Variants in GLIS1 observed in about 807,000 individuals in gnomAD.
GLIS1 encodes the protein GLIS family zinc finger 1, also known as zinc finger protein GLIS1.
Under a neutral mutation model 63.8 loss-of-function variants are expected in GLIS1, and 24 were observed. The ratio of observed to expected loss-of-function variants is 0.38; its 90% CI spans 0.27 to 0.53. GLIS1 has a LOEUF of 0.53. Ranked by LOEUF, GLIS1 falls within the 20% of genes least tolerant of loss-of-function variation. The pLI, the probability that GLIS1 is intolerant of heterozygous loss-of-function variation, is 0.85. For synonymous variants in GLIS1, 450 were observed against 482.5 expected, an observed-to-expected ratio of 0.93 and a Z score of 0.88; for missense variants, 1,036 against 1,074.1, an observed-to-expected ratio of 0.96 and a Z score of 0.50.
rs972435541 is a variant in GLIS1 at position 53,605,181 on chromosome 1, C to T, written c.260-4903G>A. On this transcript the variant is annotated intron_variant, in intron 2 of 10. Transcript: ENST00000628545. The stretch of plus-strand genomic sequence containing the variant: ...TGTGAAATCACTGTCAAATACTGAA[C>T]GCAGGCCTGGCTCCTGGTGGGCATT... 3.9e-5 allele frequency among the ~76,000 whole-genome samples: 6 copies of T among 152,042 alleles called. No homozygotes were observed. In the East Asian group the frequency reaches 7.7e-4, roughly 20 times the overall value.
chr1:53,659,589 C>A (rs991978104), intron 2 of GLIS1, among the ~76,000 whole-genome samples: 2 of 152,186 alleles, frequency 1.3e-5, no homozygotes, highest in Non-Finnish European at 2.9e-5. Flanking sequence ...TCCACACAGG[C>A]CCTCCTCAGC....
chr1:53,529,476 C>T (rs1644506688), intron 5 of GLIS1, among the ~76,000 whole-genome samples: 1 of 152,184 alleles, frequency 6.6e-6, no homozygotes, highest in Non-Finnish European at 1.5e-5. Context: ...CAGGCTGGTA[C>T]CCACAGGCCA....
At chr1:53,527,148 C>G (rs1259453607) in intron 5 of GLIS1, among the ~76,000 whole-genome samples, 1 of 152,266 alleles carries the variant, frequency 6.6e-6, no homozygotes, top group African/African-American at 2.4e-5. Flanking sequence ...CAAGATCCCA[C>G]AGCGGGGAGA....
rs540264758 is a variant in GLIS1, at chr1:53,620,578, A to C, written c.260-20300T>G. ...TTCGTTTCGGCTCCACGCACCGTAA[A>C]CATTCTGTGGCAGACGCAGCTCCAG... On this transcript the variant is annotated intron_variant, in intron 2 of 10. Transcript: ENST00000628545. Among the ~76,000 whole-genome samples the C allele has an allele frequency of 2.9e-3, 444 of 152,354 alleles. 1 individual carries two copies. The highest frequency in any genetic ancestry group is 0.01 in the African/African-American group (427 of 41,588).
Position 53,506,401 on chromosome 1 carries a change from C to T in GLIS1, c.*218G>A. ...AGATCGAGGGAATGTTACAGGGCCA[C>T]AGATCCTGGCGGGCACCTCTGTGCG... On this transcript the variant is annotated 3_prime_UTR_variant, in exon 11 of 11. Coordinates refer to ENST00000628545, the MANE Select transcript of GLIS1 (RefSeq NM_001367484.1). 2 of 555,836 alleles carry T rather than the reference C, an allele frequency of 3.6e-6. No homozygotes were observed. The allele number at this position is 555,836 out of a possible 1,614,324, so 34.4% of individuals were successfully genotyped here.
chr1:53,627,453 G>A (rs775766511), intron 2 of GLIS1, among the ~76,000 whole-genome samples: 6 of 152,032 alleles, frequency 3.9e-5, no homozygotes, highest in East Asian at 1.9e-4. Context: ...CTCCAGCTCC[G>A]ATTTTTTTCC....
At chr1:53,586,970 TACAC>T (rs1318872744) in intron 4 of GLIS1, among the ~76,000 whole-genome samples, 1 of 133,566 alleles carries the variant, frequency 7.5e-6, no homozygotes, top group Non-Finnish European at 1.7e-5. Flanking sequence ...GAACCACTGT[TACAC>T]ACAGCGCAAC....
At chr1:53,690,827 G>A (rs1646396197) in intron 2 of GLIS1, among the ~76,000 whole-genome samples, 1 of 152,156 alleles carries the variant, frequency 6.6e-6, no homozygotes, top group Non-Finnish European at 1.5e-5. Flanking sequence ...GCTGGAGCAG[G>A]AATAATAAAA....
chr1:53,643,457 C>T (rs1222590579), intron 2 of GLIS1, among the ~76,000 whole-genome samples: 1 of 152,182 alleles, frequency 6.6e-6, no homozygotes, highest in African/African-American at 2.4e-5. Flanking sequence ...CTAGTTCAGA[C>T]TCCATCATGC....
rs1475436972 is a variant in GLIS1, at chr1:53,646,211, G to A, written c.260-45933C>T. 6.6e-6 allele frequency among the ~76,000 whole-genome samples: 1 copy of A among 152,104 alleles called. No homozygotes were observed. On this transcript the variant is annotated intron_variant, in intron 2 of 10. Coordinates refer to ENST00000628545, the MANE Select transcript of GLIS1 (RefSeq NM_001367484.1). The surrounding 1 kb of genome is among the most constrained non-coding windows in gnomAD (Gnocchi z 4.2). Reference sequence around the variant, plus strand: ...TAAAGCAAGAGAATGACAAACATAAGATTACCTCTAGTGGGTAAGCAGGGA... The same window carrying A: ...TAAAGCAAGAGAATGACAAACATAAAATTACCTCTAGTGGGTAAGCAGGGA...
At chr1:53,550,845 T>G (rs1214068961) in intron 4 of GLIS1, among the ~76,000 whole-genome samples, 1 of 152,058 alleles carries the variant, frequency 6.6e-6, no homozygotes, top group Non-Finnish European at 1.5e-5. Flanking sequence ...CCAGCAATTT[T>G]TATTTTTATT....
chr1:53,538,634 G>A (rs12120620), intron 4 of GLIS1, among the ~76,000 whole-genome samples: 3,229 of 152,234 alleles, frequency 0.021, 60 homozygotes, highest in Non-Finnish European at 0.032. Context: ...GGAGGGCTGG[G>A]GGCACACAGT....
chr1:53,602,235 G>C (rs1409451160), intron 2 of GLIS1, among the ~76,000 whole-genome samples: 1 of 152,064 alleles, frequency 6.6e-6, no homozygotes, highest in East Asian at 1.9e-4. Flanking sequence ...TGAATGGCCC[G>C]AGTTAATGAG....
chr1:53,726,859 A>G (rs1266921025), intron 2 of GLIS1, among the ~76,000 whole-genome samples: 1 of 152,256 alleles, frequency 6.6e-6, no homozygotes, highest in East Asian at 1.9e-4. Context: ...ATCTGGGAAT[A>G]AAGTACTACA....
chr1:53,732,452 G>A (rs1429762378), intron 2 of GLIS1, among the ~76,000 whole-genome samples: 5 of 149,966 alleles, frequency 3.3e-5, no homozygotes, highest in Admixed American at 3.3e-4. Context: ...CCTGGACTTT[G>A]CTTCCAATGC....
At position 53,594,522 on chromosome 1, in the gene GLIS1, C is replaced by A. The variant is rs547586939; in HGVS notation, c.906G>T (p.Thr302=). Residue 302 remains threonine, a synonymous_variant, in exon 4 of 11, where the codon ACG becomes ACT. Transcript: ENST00000628545. ...GTTGCAAGCTGCCCTCATGGCTGTC[C>A]GTCGATGCAGGGCCAGGCCGGGCCC... is the stretch of plus-strand genomic sequence containing the variant. ...SKRARPGPAS[T]DSHEGSLQLE... is the part of the protein sequence containing the mutation. 4 of 1,611,952 alleles carry A rather than the reference C, an allele frequency of 2.5e-6. No individual in the cohort carries two copies. In the African/African-American group the frequency reaches 5.3e-5, roughly 21 times the overall value.
At chr1:53,691,335 A>G (rs1237685612) in intron 2 of GLIS1, among the ~76,000 whole-genome samples, 2 of 152,104 alleles carry the variant, frequency 1.3e-5, no homozygotes, top group Non-Finnish European at 2.9e-5. Context: ...AGCCCTGCTC[A>G]TCTCATCATC....
At chr1:53,583,925 C>T (rs1645109565) in intron 4 of GLIS1, among the ~76,000 whole-genome samples, 1 of 152,202 alleles carries the variant, frequency 6.6e-6, no homozygotes, top group Non-Finnish European at 1.5e-5. Context: ...AGGCAGTTTC[C>T]GAAGGAGGAC....
intron 3 of GLIS1, among the ~76,000 whole-genome samples, chr1:53,596,141 CA>C (rs1367366515): frequency 1.2e-4 from 18 of 152,248 alleles, no homozygotes; most frequent in Admixed American, 1.1e-3. Flanking sequence ...TGGCTGTCTT[CA>C]CCACATAGGT....
Sources: gnomAD v4.1 joint callset for allele counts (sites outside exome capture counted in the v4.1 genomes callset) on GRCh38, gnomAD v4.1.1 for gene constraint, Gnocchi (gnomAD v3.1) non-coding constraint, MANE v1.5 for transcripts, NCBI Gene and HGNC (gene_info 2026-07-23, HGNC 2026-07-21) for gene names.